Variants in PACS1 observed in about 807,000 individuals in gnomAD.
PACS1 encodes the protein phosphofurin acidic cluster sorting protein 1.
In PACS1, 24 loss-of-function variants were observed where a neutral mutation model predicts 115.0. That is an observed-to-expected ratio of 0.21 (90% CI 0.15 to 0.29). The LOEUF (loss-of-function observed/expected upper bound fraction) is 0.29, where lower values mean the gene tolerates loss of function less well. PACS1 is among the 10% of genes least tolerant of loss of function. The probability of loss-of-function intolerance (pLI) is 1.00; values close to 1 mark genes in which losing one functional copy is unlikely to be tolerated. For synonymous variants in PACS1, 453 were observed against 504.5 expected, an observed-to-expected ratio of 0.90 and a Z score of 1.37; for missense variants, 838 against 1,251.2, an observed-to-expected ratio of 0.67 and a Z score of 4.98.
At chr11:66,194,368 C>T (rs940106799) in intron 2 of PACS1, among the ~76,000 whole-genome samples, 2 of 152,134 alleles carry the variant, frequency 1.3e-5, no homozygotes, top group Admixed American at 6.5e-5. Context: ...ATAAATCCCA[C>T]TTATAACTCC....
chr11:66,145,092 A>G lies in PACS1; in HGVS notation c.357-48394A>G, dbSNP rs1407182227. Among the ~76,000 whole-genome samples, 4 of 152,348 alleles carry G rather than the reference A, an allele frequency of 2.6e-5. No individual in the cohort carries two copies. In the East Asian group the frequency reaches 7.7e-4, roughly 29 times the overall value. The stretch of plus-strand genomic sequence containing the variant: ...AGTGAGGAAGTCAAAATCTCTCCCC[A>G]CAAAACAACAATAATACCAGACAAA... On this transcript the variant is annotated intron_variant, in intron 1 of 23. Coordinates refer to ENST00000320580, the MANE Select transcript of PACS1 (RefSeq NM_018026.4).
intron 1 of PACS1, among the ~76,000 whole-genome samples, chr11:66,123,126 T>C (rs10791849): frequency 7.2e-5 from 11 of 151,750 alleles, no homozygotes; most frequent in Non-Finnish European, 1.3e-4. Flanking sequence ...GCCATCAACA[T>C]TGAGGCAAGA....
intron 1 of PACS1, among the ~76,000 whole-genome samples, chr11:66,171,405 T>A (rs1859734229): frequency 6.7e-6 from 1 of 150,288 alleles, no homozygotes; most frequent in Non-Finnish European, 1.5e-5. Context: ...TTTAATATAT[T>A]TATACTTACT....
chr11:66,214,001 C>G (rs756137419), intron 4 of PACS1, among the ~76,000 whole-genome samples: 3 of 141,806 alleles, frequency 2.1e-5, no homozygotes, highest in Non-Finnish European at 4.5e-5. Context: ...CCACTGCACT[C>G]CAGCCTGGGC....
intron 1 of PACS1, among the ~76,000 whole-genome samples, chr11:66,099,148 G>C (rs1467844430): frequency 2.7e-5 from 4 of 150,812 alleles, no homozygotes; most frequent in Non-Finnish European, 5.9e-5. Flanking sequence ...GGCTCAAGCA[G>C]TTCTCCTGCC....
intron 8 of PACS1, among the ~76,000 whole-genome samples, chr11:66,220,107 A>G (rs1855307893): frequency 6.6e-6 from 1 of 152,148 alleles, no homozygotes; most frequent in African/African-American, 2.4e-5. Context: ...TGCGGTTGTC[A>G]CTTAATTTCC....
intron 2 of PACS1, among the ~76,000 whole-genome samples, chr11:66,196,640 CGCCCT>C: frequency 6.6e-6 from 1 of 152,240 alleles, no homozygotes; most frequent in Non-Finnish European, 1.5e-5. Flanking sequence ...GACAGAGTCT[CGCCCT>C]GTTATTCAAT....
intron 4 of PACS1, among the ~76,000 whole-genome samples, 189 bp from the exon 5 acceptor site, chr11:66,215,926 TAATA>T (rs956281375): frequency 2.8e-5 from 4 of 144,466 alleles, no homozygotes; most frequent in Non-Finnish European, 6.1e-5. Context: ...ATAATAATAA[TAATA>T]ATAATAATAA....
intron 1 of PACS1, among the ~76,000 whole-genome samples, chr11:66,190,417 TTTTG>T (rs536334041): frequency 2.5e-4 from 38 of 152,120 alleles, no homozygotes; most frequent in Admixed American, 1.0e-3. Flanking sequence ...CTACATTTGT[TTTTG>T]TTTGTTTGTT....
chr11:66,139,443 T>C (rs982817209), intron 1 of PACS1, among the ~76,000 whole-genome samples: 2 of 152,130 alleles, frequency 1.3e-5, no homozygotes, highest in Non-Finnish European at 2.9e-5. Flanking sequence ...TTTGTAACTT[T>C]TTTTTTTAAT....
chr11:66,079,398 A>G (rs1177222453), intron 1 of PACS1, among the ~76,000 whole-genome samples: 1 of 149,332 alleles, frequency 6.7e-6, no homozygotes, highest in African/African-American at 2.5e-5. Flanking sequence ...GGCATCAGTC[A>G]TCATTTACTG....
intron 1 of PACS1, among the ~76,000 whole-genome samples, chr11:66,138,779 T>C (rs1858907730): frequency 6.6e-6 from 1 of 151,248 alleles, no homozygotes; most frequent in African/African-American, 2.4e-5. Context: ...GCCTCCCGGG[T>C]TCAAGTGATT....
intron 1 of PACS1, among the ~76,000 whole-genome samples, chr11:66,186,244 C>G (rs1046786054): frequency 1.3e-5 from 2 of 151,748 alleles, no homozygotes; most frequent in Non-Finnish European, 2.9e-5. Flanking sequence ...CCATTGCATT[C>G]CAGTCTGGGT....
intron 1 of PACS1, among the ~76,000 whole-genome samples, chr11:66,082,279 C>T (rs1256439152): frequency 6.6e-6 from 1 of 152,104 alleles, no homozygotes; most frequent in Admixed American, 6.5e-5. Flanking sequence ...GGCTGGAGTG[C>T]AGTGGTACAA....
intron 1 of PACS1, among the ~76,000 whole-genome samples, chr11:66,074,104 C>T (rs1160722188): frequency 1.3e-5 from 2 of 151,614 alleles, no homozygotes; most frequent in African/African-American, 4.9e-5. Context: ...TAATATATGT[C>T]CATGATTAGA....
chr11:66,094,670 G>A (rs1167757170), intron 1 of PACS1, among the ~76,000 whole-genome samples: 1 of 151,722 alleles, frequency 6.6e-6, no homozygotes, highest in Admixed American at 6.6e-5. Context: ...AACAGAAAAG[G>A]AGGGAATCCT....
chr11:66,125,036 A>G (rs1413434129), intron 1 of PACS1, among the ~76,000 whole-genome samples: 2 of 152,184 alleles, frequency 1.3e-5, no homozygotes, highest in African/African-American at 4.8e-5. Context: ...CTCTTTATTG[A>G]TGAACATTTG....
At position 66,142,642 on chromosome 11, in the gene PACS1, GAGGA is replaced by G. The variant is rs1859021688; in HGVS notation, c.357-50839_357-50836del. Among the ~76,000 whole-genome samples the G allele has an allele frequency of 3.4e-5, 5 of 148,250 alleles. No individual in the cohort carries two copies. The South Asian group carries it at 1.1e-3, about 32-fold the overall frequency. On this transcript the variant is annotated intron_variant, in intron 1 of 23. Transcript: ENST00000320580. ...TTTATTAAAAAAAAAAAAAAAAAAAGAGGAAGGAGATAATTACGTTGAAACCTGA... is the reference window on the plus strand; with the variant it reads ...TTTATTAAAAAAAAAAAAAAAAAAAGAGGAGATAATTACGTTGAAACCTGA...
At position 66,099,002 on chromosome 11, in the gene PACS1, C is replaced by T. The variant is rs564875368; in HGVS notation, c.356+28160C>T. Reference sequence around the variant, plus strand: ...CTTCCAGGTATCTCTGTTTTTCTTACTGTAATGCCATTGTTTTTCTTTTCT... The same window carrying T: ...CTTCCAGGTATCTCTGTTTTTCTTATTGTAATGCCATTGTTTTTCTTTTCT... On this transcript the variant is annotated intron_variant, in intron 1 of 23. Coordinates refer to ENST00000320580, the MANE Select transcript of PACS1 (RefSeq NM_018026.4). Among the ~76,000 whole-genome samples the T allele has an allele frequency of 2.0e-5, 3 of 152,168 alleles. No individual in the cohort carries two copies. The East Asian group carries it at 5.8e-4, about 29-fold the overall frequency.
Sources: gnomAD v4.1 joint callset for allele counts (sites outside exome capture counted in the v4.1 genomes callset) on GRCh38, gnomAD v4.1.1 for gene constraint, MANE v1.5 for transcripts, NCBI Gene and HGNC (gene_info 2026-07-23, HGNC 2026-07-21) for gene names.